Variants in DCP1B observed in about 807,000 individuals in gnomAD.
DCP1B encodes mRNA-decapping enzyme 1B.
Under a neutral mutation model 60.5 loss-of-function variants are expected in DCP1B, and 47 were observed. That is an observed-to-expected ratio of 0.78 (90% CI 0.61 to 0.99). DCP1B has a LOEUF of 0.99. Among genes scored for constraint, DCP1B ranks in the 50% least tolerant of loss-of-function variants. The pLI, the probability that DCP1B is intolerant of heterozygous loss-of-function variation, is 0.00. For synonymous variants in DCP1B, 267 were observed against 280.3 expected, an observed-to-expected ratio of 0.95 and a Z score of 0.47; for missense variants, 725 against 756.8, an observed-to-expected ratio of 0.96 and a Z score of 0.49.
downstream of DCP1B, among the ~76,000 whole-genome samples, chr12:1,945,776 C>CA (rs1158838731): frequency 1.3e-5 from 2 of 152,102 alleles, no homozygotes; most frequent in African/African-American, 4.8e-5. Context: ...AGCAAACTAA[C>CA]AAAGTAACAG....
chr12:1,952,204 C>T (rs1398014509), intron 7 of DCP1B, among the ~76,000 whole-genome samples: 2 of 152,086 alleles, frequency 1.3e-5, no homozygotes, highest in Non-Finnish European at 2.9e-5. Context: ...GACAGGGTCT[C>T]GCTCTGTCAC....
At chr12:1,946,398 C>T in intron 8 of DCP1B, 112 bp from the exon 9 acceptor site, 1 of 720,342 alleles carries the variant, frequency 1.4e-6, no homozygotes, top group Non-Finnish European at 2.2e-6. Flanking sequence ...CTCATCTCTC[C>T]CTGTCTAACA....
At chr12:1,985,850 G>A (rs1271744062) in intron 3 of DCP1B, among the ~76,000 whole-genome samples, 11 of 151,876 alleles carry the variant, frequency 7.2e-5, no homozygotes, top group African/African-American at 2.2e-4. Context: ...TCCCTCTGTC[G>A]CCCAGGCTGG....
intron 1 of DCP1B, among the ~76,000 whole-genome samples, chr12:2,003,924 C>T (rs2154480089): frequency 6.6e-6 from 1 of 152,302 alleles, no homozygotes; most frequent in South Asian, 2.1e-4. Flanking sequence ...GCCACAGATT[C>T]ACTGTAACAG....
rs949265247 is a variant in DCP1B, at chr12:1,948,944, G to A, written c.1773+142C>T. 7.3e-6 allele frequency: 8 copies of A among 1,091,258 alleles called. No individual in the cohort carries two copies. The highest frequency in any genetic ancestry group is 5.4e-5 in the Admixed American group (2 of 37,316). The allele number at this position is 1,091,258 out of a possible 1,614,324, so 67.6% of individuals were successfully genotyped here. ...ACCTAGCTAACTGAGCACAGAAGCC[G>A]CTGGGGTCAGGATGAGTTGTTACAC... On this transcript the variant is annotated intron_variant, in intron 8 of 8. Transcript: ENST00000280665. This position sits in a 1 kb window ranked among gnomAD's most constrained non-coding sequence, Gnocchi z 4.8.
chr12:1,977,403 CT>C (rs934842230), intron 3 of DCP1B, among the ~76,000 whole-genome samples: 3 of 152,190 alleles, frequency 2.0e-5, no homozygotes, highest in African/African-American at 7.2e-5. Flanking sequence ...GTGACTCCTG[CT>C]TGATCACTCC....
intron 5 of DCP1B, among the ~76,000 whole-genome samples, chr12:1,963,378 G>A (rs1024322574): frequency 6.6e-6 from 1 of 152,158 alleles, no homozygotes; most frequent in African/African-American, 2.4e-5. Context: ...CATTGACCAG[G>A]GCTGTTTGAT....
rs780671547 is a variant in DCP1B, at chr12:1,971,413, T to G, written c.320-3503A>C. Reference sequence around the variant, plus strand: ...TTGGAAATTCTCAATTGAAAAAAAGTGATGTTTGAGGCAACAGGCAATGCA... The same window carrying G: ...TTGGAAATTCTCAATTGAAAAAAAGGGATGTTTGAGGCAACAGGCAATGCA... On this transcript the variant is annotated intron_variant, in intron 3 of 8. Transcript: ENST00000280665. This position sits in a 1 kb window ranked among gnomAD's most constrained non-coding sequence, Gnocchi z 4.2. Among the ~76,000 whole-genome samples, 3 of 152,184 alleles carry G rather than the reference T, an allele frequency of 2.0e-5. No individual in the cohort carries two copies. The highest frequency in any genetic ancestry group is 6.5e-5 in the Admixed American group (1 of 15,274).
chr12:1,981,375 C>T (rs928013375), intron 3 of DCP1B, among the ~76,000 whole-genome samples: 3 of 152,208 alleles, frequency 2.0e-5, no homozygotes, highest in Non-Finnish European at 4.4e-5. Context: ...ATTCAGTACT[C>T]ATTGCAAATA....
At chr12:1,968,397 C>T (rs1212260171) in intron 3 of DCP1B, among the ~76,000 whole-genome samples, 1 of 151,026 alleles carries the variant, frequency 6.6e-6, no homozygotes, top group Non-Finnish European at 1.5e-5. Flanking sequence ...ACAGAGAAAT[C>T]CGTGGTGGTT....
At chr12:1,973,888 T>C (rs1430976342) in intron 3 of DCP1B, among the ~76,000 whole-genome samples, 3 of 152,020 alleles carry the variant, frequency 2.0e-5, no homozygotes, top group Non-Finnish European at 2.9e-5. Flanking sequence ...ATGCAGGGAG[T>C]CCCTAATACA....
At chr12:1,964,953 T>A (rs1304390891) in intron 5 of DCP1B, among the ~76,000 whole-genome samples, 2 of 152,168 alleles carry the variant, frequency 1.3e-5, no homozygotes, top group Non-Finnish European at 2.9e-5. Context: ...CTTTCTTGCA[T>A]ATTTCTTTCC....
chr12:2,000,755 G>A (rs541512464), intron 1 of DCP1B, among the ~76,000 whole-genome samples: 1 of 152,294 alleles, frequency 6.6e-6, no homozygotes, highest in East Asian at 1.9e-4. Flanking sequence ...GAGATAACCA[G>A]GCCGGGCACA....
intron 2 of DCP1B, among the ~76,000 whole-genome samples, chr12:1,997,155 T>C (rs551255826): frequency 6.6e-6 from 1 of 152,236 alleles, no homozygotes; most frequent in African/African-American, 2.4e-5. Flanking sequence ...CTGAAACATA[T>C]TCTATTGACT....
chr12:2,002,221 G>A (rs950531244), intron 1 of DCP1B, among the ~76,000 whole-genome samples: 34 of 152,064 alleles, frequency 2.2e-4, no homozygotes, highest in Admixed American at 1.6e-3. Context: ...CTGCCTTCTT[G>A]TAAATACTTT....
intron 2 of DCP1B, among the ~76,000 whole-genome samples, chr12:1,995,939 A>G (rs1293281828): frequency 6.6e-6 from 1 of 152,114 alleles, no homozygotes; most frequent in Non-Finnish European, 1.5e-5. Flanking sequence ...GTTCCAAATC[A>G]TTACTTCAAA....
chr12:1,969,460 G>GA (rs750881468), intron 3 of DCP1B, among the ~76,000 whole-genome samples: 20 of 151,360 alleles, frequency 1.3e-4, no homozygotes, highest in African/African-American at 2.9e-4. Flanking sequence ...GGAAGTAGGG[G>GA]AAAAAATCCC....
chr12:1,954,399 G>A (rs754374683), intron 6 of DCP1B, among the ~76,000 whole-genome samples: 38 of 152,018 alleles, frequency 2.5e-4, no homozygotes, highest in Middle Eastern at 3.4e-3. Context: ...TTTCAAAATT[G>A]ATATAAACTA....
Position 1,971,267 on chromosome 12 carries a change from A to G in DCP1B, c.320-3357T>C. 1.2e-6 allele frequency: 1 copy of G among 836,102 alleles called. No individual in the cohort carries two copies. The highest frequency in any genetic ancestry group is 1.7e-6 in the Non-Finnish European group (1 of 585,096). The allele number at this position is 836,102 out of a possible 1,614,324, so 51.8% of individuals were successfully genotyped here. A position where few individuals can be genotyped will look rare whatever the true frequency, so the allele number is the denominator to read the frequency against. Reference sequence around the variant, plus strand: ...GTTGAAATTTACTCTAAATATCCTAATGATACCTAGAATGTGACTTCCTCA... The same window carrying G: ...GTTGAAATTTACTCTAAATATCCTAGTGATACCTAGAATGTGACTTCCTCA... On this transcript the variant is annotated intron_variant, in intron 3 of 8. Coordinates refer to ENST00000280665, the MANE Select transcript of DCP1B (RefSeq NM_152640.5). The surrounding 1 kb of genome is among the most constrained non-coding windows in gnomAD (Gnocchi z 4.2).
Sources: gnomAD v4.1 joint callset for allele counts (sites outside exome capture counted in the v4.1 genomes callset) on GRCh38, gnomAD v4.1.1 for gene constraint, Gnocchi (gnomAD v3.1) non-coding constraint, MANE v1.5 for transcripts, NCBI Gene and HGNC (gene_info 2026-07-23, HGNC 2026-07-21) for gene names.